Variants in ZNF181 observed in about 807,000 individuals in gnomAD.
ZNF181 encodes the protein zinc finger protein 181, also known as zinc finger protein 181 (HHZ181).
In ZNF181, 8 loss-of-function variants were observed where a neutral mutation model predicts 11.9. That is an observed-to-expected ratio of 0.67 (90% CI 0.39 to 1.21). ZNF181 has a LOEUF of 1.21. ZNF181 is among the 50% of genes most tolerant of loss of function. The probability of loss-of-function intolerance (pLI) is 0.01; values close to 1 mark genes in which losing one functional copy is unlikely to be tolerated. For missense variants in ZNF181, 542 were observed against 670.9 expected, an observed-to-expected ratio of 0.81 and a Z score of 2.12; for synonymous variants, 202 against 221.1, an observed-to-expected ratio of 0.91 and a Z score of 0.77.
Position 34,739,217 on chromosome 19 carries a change from G to C in ZNF181, c.79G>C (p.Asp27His). ...GGGATGGCTCAGTTCTGCTCAGAGG[G>C]ACTTATACAAGGATGTGATGGTCCA... Reference protein sequence around the residue: ...EWGWLSSAQRDLYKDVMVQNY... With the variant: ...EWGWLSSAQRHLYKDVMVQNY... Residue 27 changes from aspartate to histidine, a missense_variant, in exon 2 of 4, where the codon GAC becomes CAC. Asp to His is a moderately conservative substitution (Grantham distance 81, BLOSUM62 -1). Coordinates refer to ENST00000492450, the MANE Select transcript of ZNF181 (RefSeq NM_001029997.4). 1.9e-6 allele frequency: 3 copies of C among 1,613,822 alleles called. No individual in the cohort carries two copies. The highest frequency in any genetic ancestry group is 2.5e-6 in the Non-Finnish European group (3 of 1,179,756).
chr19:34,741,757 A>T lies in ZNF181; in HGVS notation c.1376A>T (p.Lys459Ile). 1 of 1,613,984 alleles carries T rather than the reference A, an allele frequency of 6.2e-7. No individual in the cohort carries two copies. Among genetic ancestry groups the T allele is most frequent in the Non-Finnish European group, 8.5e-7 (1 of 1,179,924 alleles). The part of the protein sequence containing the change: ...NMHLRNHIRL[K>I]PYECSICGKA... ...CATTTGAGAAATCACATTAGATTGA[A>T]ACCCTACGAATGCAGTATATGTGGG... Residue 459 changes from lysine (K) to isoleucine (I), a missense_variant, in exon 4 of 4, where the codon AAA (lysine) becomes ATA (isoleucine). Physicochemically the swap from Lys to Ile is moderately radical, Grantham distance 102. Transcript: ENST00000492450.
At position 34,743,976 on chromosome 19, in the gene ZNF181, A is replaced by G. The variant is rs556372441; in HGVS notation, c.*1879A>G. On this transcript the variant is annotated 3_prime_UTR_variant, in exon 4 of 4. Transcript: ENST00000492450. ...GTGATTAGAAAGGTAATGCAGATCA[A>G]TTTGATTTGGAGTGTATGGACACTG... The G allele has an allele frequency of 6.6e-6, 1 of 152,322 alleles. No homozygotes were observed. Among genetic ancestry groups the G allele is most frequent in the Admixed American group, 6.5e-5 (1 of 15,300 alleles). 9.4% of individuals were successfully genotyped at this position (152,322 alleles called of 1,614,324 possible). A position where few individuals can be genotyped will look rare whatever the true frequency, so the allele number is the denominator to read the frequency against.
chr19:34,740,058 G>A (rs1300020580), intron 3 of ZNF181, among the ~76,000 whole-genome samples: 1 of 152,138 alleles, frequency 6.6e-6, no homozygotes, highest in Non-Finnish European at 1.5e-5. Context: ...ATGTTTCTAG[G>A]AATATTTTCT....
At position 34,734,997 on chromosome 19, in the gene ZNF181, C is replaced by G; in HGVS notation, c.-41C>G. On this transcript the variant is annotated 5_prime_UTR_variant, in exon 1 of 4. Transcript: ENST00000492450. ...CACTGCCCATCTCTAAGATAAGAGC[C>G]TGGAAAGAGGACTCTGTTGGCTGTT... 1 of 1,570,666 alleles carries G rather than the reference C, an allele frequency of 6.4e-7. No individual in the cohort carries two copies.
rs1410520490 is a variant in ZNF181 at position 34,741,109 on chromosome 19, G to A, written c.728G>A (p.Gly243Glu). The change falls in exon 4 of 4, where the codon GGG becomes GAG. Residue 243 changes from glycine (G) to glutamate (E), a missense_variant. Physicochemically the swap from Gly to Glu is moderately conservative, Grantham distance 98. Transcript: ENST00000492450. Reference sequence around the variant, plus strand: ...AAAATCTATACATGCAGTGAATGTGGGAAAGCCTTTGGCAAACAGTCAATC... The same window carrying A: ...AAAATCTATACATGCAGTGAATGTGAGAAAGCCTTTGGCAAACAGTCAATC... ...REKIYTCSEC[G>E]KAFGKQSILN... 1.9e-6 allele frequency: 3 copies of A among 1,614,040 alleles called. No homozygotes were observed. Among genetic ancestry groups the A allele is most frequent in the Non-Finnish European group, 2.5e-6 (3 of 1,179,904 alleles).
chr19:34,739,481 T>C (rs2145421149), intron 2 of ZNF181, 42 bp from the exon 3 acceptor site: 2 of 1,609,720 alleles, frequency 1.2e-6, no homozygotes, highest in East Asian at 2.2e-5. Flanking sequence ...CCTCTCATAA[T>C]AGAGGACCAC....
chr19:34,736,045 A>G, intron 1 of ZNF181: 1 of 692,630 alleles, frequency 1.4e-6, no homozygotes, highest in Non-Finnish European at 2.6e-6. Context: ...GGTGGGAGGA[A>G]TCTTTTTTCT....
rs1192949953 is a variant in ZNF181, at chr19:34,743,709, G to A, written c.*1612G>A. Reference sequence around the variant, plus strand: ...CTCTATCCCTGAGTCATAGTTACGGGAGTTTACCTTGAAATCACTAGCCCA... The same window carrying A: ...CTCTATCCCTGAGTCATAGTTACGGAAGTTTACCTTGAAATCACTAGCCCA... On this transcript the variant is annotated 3_prime_UTR_variant, in exon 4 of 4. Coordinates refer to ENST00000492450, the MANE Select transcript of ZNF181 (RefSeq NM_001029997.4). 2 of 152,214 alleles carry A rather than the reference G, an allele frequency of 1.3e-5. No individual in the cohort carries two copies. The highest frequency in any genetic ancestry group is 3.8e-4 in the East Asian group (2 of 5,200). 9.4% of individuals were successfully genotyped at this position (152,214 alleles called of 1,614,324 possible).
intron 1 of ZNF181, among the ~76,000 whole-genome samples, chr19:34,737,072 A>C (rs2068899980): frequency 6.6e-6 from 1 of 152,230 alleles, no homozygotes; most frequent in Admixed American, 6.5e-5. Context: ...TATTTGGAAA[A>C]TGTATGTATT....
intron 1 of ZNF181, 58 bp downstream of exon 1, chr19:34,735,104 T>G: frequency 6.5e-7 from 1 of 1,547,600 alleles, no homozygotes; most frequent in Non-Finnish European, 8.7e-7. Flanking sequence ...GTGTGTTTGC[T>G]TTGCTTCTCC....
At chr19:34,735,114 C>T in intron 1 of ZNF181, 68 bp downstream of exon 1, 1 of 1,529,248 alleles carries the variant, frequency 6.5e-7, no homozygotes, top group African/African-American at 1.4e-5. Context: ...TTTGCTTCTC[C>T]TGCCTGTTCC....
chr19:34,740,950 A>G lies in ZNF181; in HGVS notation c.569A>G (p.Lys190Arg), dbSNP rs1316472666. The G allele has an allele frequency of 6.2e-7, 1 of 1,613,708 alleles. No individual in the cohort carries two copies. The highest frequency in any genetic ancestry group is 8.5e-7 in the Non-Finnish European group (1 of 1,179,922). ...TCACACAAATATGATATATTAAAGA[A>G]GAACTTACCAAAAAAGTCAGTTATA... ...GNSHKYDILK[K>R]NLPKKSVIKN... Residue 190 changes from lysine to arginine, a missense_variant, in exon 4 of 4, where the codon AAG becomes AGG. Transcript: ENST00000492450.
At position 34,744,336 on chromosome 19, in the gene ZNF181, G is replaced by T. The variant is rs2069015743; in HGVS notation, c.*2239G>T. ...ATCATGAAATTTATATTGAAATTCT[G>T]TGAAACATTGAAGGATCTTTGGAAG... is the stretch of plus-strand genomic sequence containing the variant. On this transcript the variant is annotated 3_prime_UTR_variant, in exon 4 of 4. Coordinates refer to ENST00000492450, the MANE Select transcript of ZNF181 (RefSeq NM_001029997.4). The T allele has an allele frequency of 6.6e-6, 1 of 152,090 alleles. No homozygotes were observed. Among genetic ancestry groups the T allele is most frequent in the African/African-American group, 2.4e-5 (1 of 41,386 alleles). 9.4% of individuals were successfully genotyped at this position (152,090 alleles called of 1,614,324 possible).
In ZNF181 at chr19:34,734,943, CT is replaced by C; in HGVS notation, c.-90del. On this transcript the variant is annotated 5_prime_UTR_variant, in exon 1 of 4. An upstream open reading frame in the 5' UTR gains an earlier in-frame stop. Transcript: ENST00000492450. ...AGATAAGCCTGATTTTTCATGACTG[CT>C]TTTTCCTGCCCTTCTGTGCCCTCAG... 2.9e-6 allele frequency: 4 copies of C among 1,368,304 alleles called. No homozygotes were observed. Among genetic ancestry groups the C allele is most frequent in the South Asian group, 1.3e-5 (1 of 75,122 alleles). 84.8% of individuals were successfully genotyped at this position (1,368,304 alleles called of 1,614,324 possible).
Position 34,741,717 on chromosome 19 carries a change from G to A in ZNF181, c.1336G>A (p.Glu446Lys). ...ATGCAGGAAATCCTTCAACCAGCTTGAATCACTGAATATGCATTTGAGAAA... is the reference window on the plus strand; with the variant it reads ...ATGCAGGAAATCCTTCAACCAGCTTAAATCACTGAATATGCATTTGAGAAA... ...QKCRKSFNQL[E>K]SLNMHLRNHI... Residue 446 changes from glutamate (E) to lysine (K), a missense_variant, in exon 4 of 4, where the codon GAA becomes AAA. Glu to Lys is a moderately conservative substitution (Grantham distance 56). Transcript: ENST00000492450. The A allele has an allele frequency of 1.9e-6, 3 of 1,613,934 alleles. No individual in the cohort carries two copies. The highest frequency in any genetic ancestry group is 2.5e-6 in the Non-Finnish European group (3 of 1,179,922).
intron 1 of ZNF181, among the ~76,000 whole-genome samples, chr19:34,735,513 T>C (rs73589593): frequency 0.019 from 2,827 of 152,222 alleles, 75 homozygotes; most frequent in African/African-American, 0.064. Flanking sequence ...CCGGTAGTGA[T>C]AGCAATAAAG....
At position 34,741,315 on chromosome 19, in the gene ZNF181, C is replaced by T. The variant is rs865914201; in HGVS notation, c.934C>T (p.Gln312Ter). ...CCATGTCTCATCACTTACTAACCAT[C>T]AGAGCACTCACACTGGAGAGAAACC... ...FSHVSSLTNH[Q>*]STHTGEKPYE... Residue 312 changes from glutamine (Q) to a stop codon, truncating the protein, a stop_gained, in exon 4 of 4, where the codon CAG (glutamine) becomes TAG (stop). Coordinates refer to ENST00000492450, the MANE Select transcript of ZNF181 (RefSeq NM_001029997.4). LOFTEE classifies it low-confidence loss of function (END_TRUNC). 2 of 1,613,788 alleles carry T rather than the reference C, an allele frequency of 1.2e-6. No individual in the cohort carries two copies. The highest frequency in any genetic ancestry group is 2.7e-5 in the African/African-American group (2 of 74,922).
chr19:34,740,582 C>T lies in ZNF181; in HGVS notation c.230-29C>T, dbSNP rs762632031. The stretch of plus-strand genomic sequence containing the variant: ...TTCAAATAGTTAAAAAAAAACAAAA[C>T]AGTGCTTTGCTTTTTTGATGTATTT... On this transcript the variant is annotated intron_variant, in intron 3 of 3. Coordinates refer to ENST00000492450, the MANE Select transcript of ZNF181 (RefSeq NM_001029997.4). 1.1e-5 allele frequency: 16 copies of T among 1,485,012 alleles called. No individual in the cohort carries two copies. The East Asian group carries it at 3.3e-4, about 31-fold the overall frequency. 92.0% of individuals were successfully genotyped at this position (1,485,012 alleles called of 1,614,324 possible).
rs768950185 is a variant in ZNF181, at chr19:34,739,515, C to T, written c.131-8C>T. 27 of 1,613,768 alleles carry T rather than the reference C, an allele frequency of 1.7e-5. No homozygotes were observed. The South Asian group carries it at 2.0e-4, about 12-fold the overall frequency. Reference sequence around the variant, plus strand: ...ACGGCTTAAACAATTCTGTATTCTTCCTGTAAGCAGGTCTTTCTGTAACTA... The same window carrying T: ...ACGGCTTAAACAATTCTGTATTCTTTCTGTAAGCAGGTCTTTCTGTAACTA... On this transcript the variant is annotated splice_region_variant and splice_polypyrimidine_tract_variant and intron_variant, in intron 2 of 3. Transcript: ENST00000492450.
Sources: gnomAD v4.1 joint callset for allele counts (sites outside exome capture counted in the v4.1 genomes callset) on GRCh38, gnomAD v4.1.1 for gene constraint, MANE v1.5 for transcripts, NCBI Gene and HGNC (gene_info 2026-07-23, HGNC 2026-07-21) for gene names.